Variants in AQR observed in about 807,000 individuals in gnomAD.
The protein encoded by AQR is RNA helicase aquarius.
AQR carries 61 observed loss-of-function variants against 180.5 expected under a neutral mutation model. The ratio of observed to expected loss-of-function variants is 0.34; its 90% CI spans 0.28 to 0.42. The LOEUF is 0.42. Among genes scored for constraint, AQR ranks in the 10% least tolerant of loss-of-function variants. The probability of loss-of-function intolerance (pLI) is 1.00; values close to 1 mark genes in which losing one functional copy is unlikely to be tolerated. For missense variants in AQR, 1,281 were observed against 1,798.3 expected, an observed-to-expected ratio of 0.71 and a Z score of 5.20; for synonymous variants, 551 against 588.8, an observed-to-expected ratio of 0.94 and a Z score of 0.93.
intron 9 of AQR, among the ~76,000 whole-genome samples, chr15:34,938,461 T>TG (rs1011432196): frequency 1.3e-5 from 2 of 151,918 alleles, no homozygotes; most frequent in Non-Finnish European, 2.9e-5. Context: ...GGAACCCTGC[T>TG]GGGGGAGGTT....
rs1335102538 is a variant in AQR, at chr15:34,897,833, T to C, written c.2244-128A>G. The C allele has an allele frequency of 4.9e-6, 5 of 1,010,716 alleles. No homozygotes were observed. In the African/African-American group the frequency reaches 6.5e-5, roughly 13 times the overall value. The allele number at this position is 1,010,716 out of a possible 1,614,324, so 62.6% of individuals were successfully genotyped here. Reference sequence around the variant, plus strand: ...ACATTTCTGGCTTAAAGGAACGATATCTGTATGTAAACTCTGAAAATGGTC... The same window carrying C: ...ACATTTCTGGCTTAAAGGAACGATACCTGTATGTAAACTCTGAAAATGGTC... On this transcript the variant is annotated intron_variant, in intron 20 of 34. Coordinates refer to ENST00000156471, the MANE Select transcript of AQR (RefSeq NM_014691.3).
intron 20 of AQR, 54 bp from the exon 21 acceptor site, chr15:34,897,759 A>G: frequency 6.3e-7 from 1 of 1,582,266 alleles, no homozygotes. Context: ...TTTACTGAGT[A>G]CCTATCTGGT....
chr15:34,856,936 G>T lies in AQR; in HGVS notation c.4314C>A (p.Thr1438=). The T allele has an allele frequency of 1.9e-6, 3 of 1,614,052 alleles. No individual in the cohort carries two copies. Among genetic ancestry groups the T allele is most frequent in the Non-Finnish European group, 2.5e-6 (3 of 1,179,990 alleles). Residue 1438 remains threonine, a synonymous_variant, in exon 35 of 35, where the codon ACC becomes ACA. Transcript: ENST00000156471. The part of the protein sequence containing the change: ...QETPAFQTDT[T]PSETGATSTP... ...TGGAAGTGGCTCCTGTCTCACTGGG[G>T]GTGGTGTCAGTTTGAAAGGCTGGAG... is the stretch of plus-strand genomic sequence containing the variant.
chr15:34,895,581 A>G (rs896018794), intron 22 of AQR, among the ~76,000 whole-genome samples: 3 of 152,172 alleles, frequency 2.0e-5, no homozygotes, highest in African/African-American at 7.2e-5. Flanking sequence ...TAGACTTCAG[A>G]GCAAAGAAAA....
intron 29 of AQR, chr15:34,874,217 A>G (rs1892861196): frequency 2.3e-6 from 1 of 437,010 alleles, no homozygotes; most frequent in Non-Finnish European, 4.0e-6. Flanking sequence ...TGAGAGTTCT[A>G]TTACGCTCTC....
intron 30 of AQR, among the ~76,000 whole-genome samples, chr15:34,873,556 TATG>T (rs1435705735): frequency 6.6e-6 from 1 of 152,204 alleles, no homozygotes; most frequent in Non-Finnish European, 1.5e-5. Context: ...TATTTTTCTT[TATG>T]ATTTCTGCTT....
intron 17 of AQR, 108 bp downstream of exon 17, chr15:34,910,027 A>T: frequency 2.3e-6 from 3 of 1,288,410 alleles, no homozygotes; most frequent in South Asian, 3.0e-5. Context: ...GATAACGCTT[A>T]ATAAAAGCTT....
intron 13 of AQR, among the ~76,000 whole-genome samples, chr15:34,923,968 G>T (rs1445160205): frequency 1.3e-5 from 2 of 152,108 alleles, no homozygotes; most frequent in East Asian, 1.9e-4. Flanking sequence ...CTAGAATTAT[G>T]ATTGGAATTA....
chr15:34,929,996 C>A (rs1315986874), intron 12 of AQR, among the ~76,000 whole-genome samples: 1 of 152,104 alleles, frequency 6.6e-6, no homozygotes, highest in Non-Finnish European at 1.5e-5. Context: ...GACAGCAGAG[C>A]TAATATTTAA....
rs1339225959 is a variant in AQR at position 34,851,978 on chromosome 15, CAT to C, written c.*4812_*4813del. ...TTTCAGGATGTTGCGATTAATACCA[CAT>C]GACACTCAATAAATTACACTACGAC... On this transcript the variant is annotated 3_prime_UTR_variant, in exon 35 of 35. Coordinates refer to ENST00000156471, the MANE Select transcript of AQR (RefSeq NM_014691.3). The C allele has an allele frequency of 6.6e-6, 1 of 152,178 alleles. No individual in the cohort carries two copies. Among genetic ancestry groups the C allele is most frequent in the African/African-American group, 2.4e-5 (1 of 41,438 alleles). 9.4% of individuals were successfully genotyped at this position (152,178 alleles called of 1,614,324 possible).
chr15:34,885,893 T>C (rs949673647), intron 25 of AQR, among the ~76,000 whole-genome samples: 10 of 152,198 alleles, frequency 6.6e-5, no homozygotes, highest in African/African-American at 1.7e-4. Flanking sequence ...AATGAAGTTA[T>C]ACAAAAATCT....
chr15:34,899,541 AT>A (rs941865746), intron 20 of AQR, among the ~76,000 whole-genome samples: 282 of 143,980 alleles, frequency 2.0e-3, no homozygotes, highest in African/African-American at 2.1e-3. Flanking sequence ...AATCTTGCTA[AT>A]TTTTTTTTTT....
chr15:34,895,477 T>C (rs1245492721), intron 22 of AQR, among the ~76,000 whole-genome samples: 1 of 151,332 alleles, frequency 6.6e-6, no homozygotes, highest in African/African-American at 2.4e-5. Flanking sequence ...ACCTCAAATA[T>C]AACGACAAGT....
chr15:34,944,291 A>C lies in AQR; in HGVS notation c.468T>G (p.Ser156Arg). 1 of 1,583,848 alleles carries C rather than the reference A, an allele frequency of 6.3e-7. No homozygotes were observed. Among genetic ancestry groups the C allele is most frequent in the Non-Finnish European group, 8.5e-7 (1 of 1,170,272 alleles). The change falls in exon 6 of 35, where the codon AGT (serine) becomes AGG (arginine). Residue 156 changes from serine to arginine, a missense_variant. By Grantham distance (110) the Ser-to-Arg change is moderately radical. This residue lies in a region of AQR where 404 missense variants were observed against 490.9 expected (regional missense o/e 0.82). Transcript: ENST00000156471. ...CCAAAATATAAAGTAAAAGTACCAA[A>C]CTATTGAAGCAATGATCAAGAAAAA... ...LLLFLDHCFN[S>R]LEVDLIRSQV...
intron 27 of AQR, among the ~76,000 whole-genome samples, chr15:34,881,799 GTTTTT>G (rs200008371): frequency 6.6e-6 from 1 of 150,692 alleles, no homozygotes; most frequent in Non-Finnish European, 1.5e-5. Flanking sequence ...AAACCACTTT[GTTTTT>G]TTTTGTTTGA....
At chr15:34,946,971 G>T (rs542634399) in intron 5 of AQR, among the ~76,000 whole-genome samples, 53 of 152,174 alleles carry the variant, frequency 3.5e-4, no homozygotes, top group African/African-American at 1.0e-3. Context: ...TGGGAAGTGA[G>T]GAGCCCCTCT....
chr15:34,886,749 G>A, intron 24 of AQR, 88 bp from the exon 25 acceptor site: 8 of 1,311,574 alleles, frequency 6.1e-6, no homozygotes, highest in Non-Finnish European at 7.2e-6. Flanking sequence ...AATCATAATA[G>A]CAAAGAAGAG....
chr15:34,884,863 C>A, intron 25 of AQR, 129 bp from the exon 26 acceptor site: 1 of 693,252 alleles, frequency 1.4e-6, no homozygotes, highest in Non-Finnish European at 2.3e-6. Context: ...ATCTTTGATC[C>A]AATATAACTA....
intron 18 of AQR, among the ~76,000 whole-genome samples, chr15:34,905,753 C>CT (rs1893401896): frequency 1.7e-5 from 1 of 58,718 alleles, no homozygotes; most frequent in Non-Finnish European, 4.9e-5. Flanking sequence ...TAGAGTGTTT[C>CT]TTAAAAAAAA....
Sources: allele counts gnomAD v4.1 joint callset (sites outside exome capture counted in the v4.1 genomes callset), GRCh38; gene constraint gnomAD v4.1.1; regional missense constraint gnomAD v4.1.1; transcripts MANE v1.5; gene names NCBI Gene and HGNC (gene_info 2026-07-23, HGNC 2026-07-21).